ZC3H12B: variants seen among roughly 807,000 people sequenced by gnomAD.
ZC3H12B encodes probable ribonuclease ZC3H12B.
In ZC3H12B, 7 loss-of-function variants were observed where a neutral mutation model predicts 43.9. The ratio of observed to expected loss-of-function variants is 0.16; its 90% confidence interval spans 0.09 to 0.30. The LOEUF (loss-of-function observed/expected upper bound fraction) is 0.30. ZC3H12B is among the 10% of genes least tolerant of loss of function. The probability of loss-of-function intolerance (pLI) is 1.00; values close to 1 mark genes in which losing one functional copy is unlikely to be tolerated. For missense variants in ZC3H12B, 475 were observed against 670.2 expected (o/e 0.71, Z 3.22); for synonymous variants, 222 against 241.7 (o/e 0.92, Z 0.76).
chrX:65,206,689 C>T, the ZC3H12B span, among the ~76,000 whole-genome samples: 1 of 111,426 alleles, frequency 9.0e-6, no homozygotes, highest in African/African-American at 3.3e-5. Flanking sequence ...AAAGCTTCTG[C>T]ACAGCAACAG....
At chrX:65,314,887 C>T in the ZC3H12B span, among the ~76,000 whole-genome samples, 26,749 of 110,217 alleles carry the variant, frequency 0.24, 7,708 homozygotes, top group African/African-American at 0.83. Context: ...TGTATGGTAA[C>T]AAGACTTTTA....
At chrX:65,088,512 A>C in the ZC3H12B span, among the ~76,000 whole-genome samples, 1 of 111,604 alleles carries the variant, frequency 9.0e-6, no homozygotes, top group African/African-American at 3.3e-5. Context: ...ACTGTATAAA[A>C]GGTTAAACAT....
the ZC3H12B span, among the ~76,000 whole-genome samples, chrX:65,130,174 A>G: frequency 9.0e-5 from 10 of 111,168 alleles, no homozygotes; most frequent in Non-Finnish European, 1.9e-4. Flanking sequence ...TCTGGTTTTA[A>G]AAGACCATTA....
intron 3 of ZC3H12B, among the ~76,000 whole-genome samples, chrX:65,429,522 G>A (rs1486600681): frequency 8.9e-6 from 1 of 112,618 alleles, no homozygotes; most frequent in African/African-American, 3.2e-5. Flanking sequence ...TAAAGAAGCA[G>A]TCTGGCCAAA....
At chrX:65,359,566 T>G in the ZC3H12B span, among the ~76,000 whole-genome samples, 1 of 111,314 alleles carries the variant, frequency 9.0e-6, no homozygotes, top group African/African-American at 3.3e-5. Flanking sequence ...TAACTGCAGA[T>G]TTGGTGGAAA....
the ZC3H12B span, among the ~76,000 whole-genome samples, chrX:65,085,248 ATAAC>A: frequency 7.2e-5 from 8 of 111,677 alleles, no homozygotes; most frequent in Non-Finnish European, 1.3e-4. Flanking sequence ...ACATTTAAAA[ATAAC>A]TAAAAGAGAG....
At chrX:65,309,167 A>T in the ZC3H12B span, among the ~76,000 whole-genome samples, 1 of 74,086 alleles carries the variant, frequency 1.3e-5, no homozygotes, top group African/African-American at 3.4e-4. Context: ...CTAGAAACAC[A>T]AAAAAAAAAA....
the ZC3H12B span, among the ~76,000 whole-genome samples, chrX:65,086,164 A>T: frequency 3.7e-5 from 4 of 108,799 alleles, no homozygotes; most frequent in African/African-American, 1.3e-4. Context: ...GCCTTCTATG[A>T]CCTTGGCACT....
At chrX:65,493,279 G>A (rs1460759111) in intron 1 of ZC3H12B, among the ~76,000 whole-genome samples, 1 of 109,809 alleles carries the variant, frequency 9.1e-6, no homozygotes, top group Non-Finnish European at 1.9e-5. Flanking sequence ...TGGTGGTGGC[G>A]TGCCTGTACA....
chrX:65,397,656 A>C (rs1469404789), intron 2 of ZC3H12B, among the ~76,000 whole-genome samples: 2 of 111,503 alleles, frequency 1.8e-5, no homozygotes, highest in Non-Finnish European at 3.8e-5. Context: ...CATATACAAT[A>C]GACCCATAGC....
chrX:65,465,611 T>A (rs1490146860), intron 3 of ZC3H12B, among the ~76,000 whole-genome samples: 1 of 111,032 alleles, frequency 9.0e-6, no homozygotes, highest in Non-Finnish European at 1.9e-5. Context: ...AGGTAATTAC[T>A]GATTTTGAAG....
At chrX:65,308,679 A>C in the ZC3H12B span, among the ~76,000 whole-genome samples, 1 of 112,107 alleles carries the variant, frequency 8.9e-6, no homozygotes. Flanking sequence ...AATCAACAGA[A>C]TATACATTCT....
chrX:65,227,695 G>C, the ZC3H12B span, among the ~76,000 whole-genome samples: 1 of 110,926 alleles, frequency 9.0e-6, no homozygotes, highest in Non-Finnish European at 1.9e-5. Context: ...AAATGATAAA[G>C]GGGATATCAC....
At chrX:65,192,441 T>G in the ZC3H12B span, among the ~76,000 whole-genome samples, 1 of 111,637 alleles carries the variant, frequency 9.0e-6, no homozygotes, top group Non-Finnish European at 1.9e-5. Context: ...AGATCTTAGA[T>G]AAAAGGCTTG....
chrX:65,087,815 A>G, the ZC3H12B span, among the ~76,000 whole-genome samples: 1 of 112,055 alleles, frequency 8.9e-6, no homozygotes, highest in South Asian at 3.7e-4. Flanking sequence ...TTGGGAAGCA[A>G]CAGGTAAATA....
the ZC3H12B span, among the ~76,000 whole-genome samples, chrX:65,265,818 G>T: frequency 2.7e-5 from 3 of 111,921 alleles, no homozygotes; most frequent in African/African-American, 9.7e-5. Flanking sequence ...AAAACCAGCA[G>T]GGAGAGGGGA....
the ZC3H12B span, among the ~76,000 whole-genome samples, chrX:65,181,926 C>T: frequency 5.4e-5 from 6 of 111,661 alleles, no homozygotes; most frequent in Non-Finnish European, 9.4e-5. Flanking sequence ...GATTATAAAT[C>T]GTTCTACTAT....
intron 2 of ZC3H12B, among the ~76,000 whole-genome samples, chrX:65,393,601 T>A (rs1196567252): frequency 1.8e-5 from 2 of 112,050 alleles, no homozygotes; most frequent in Non-Finnish European, 3.8e-5. Context: ...CATGAACTCA[T>A]CCTTTTTATG....
intron 2 of ZC3H12B, among the ~76,000 whole-genome samples, chrX:65,372,619 A>G (rs1044171336): frequency 9.3e-6 from 1 of 108,076 alleles, no homozygotes; most frequent in Non-Finnish European, 1.9e-5. Flanking sequence ...GGAGAGAGGG[A>G]GAGAGGAAGG....
Sources: gnomAD v4.1 joint callset for allele counts (sites outside exome capture counted in the v4.1 genomes callset) on GRCh38, gnomAD v4.1.1 for gene constraint, MANE v1.5 for transcripts, NCBI Gene and HGNC (gene_info 2026-07-23, HGNC 2026-07-21) for gene names.